Variants in ARHGEF12 observed in about 807,000 individuals in gnomAD.
The protein encoded by ARHGEF12 is KMT2A/ARHGEF12 fusion protein.
A neutral mutation model predicts 211.2 loss-of-function variants in ARHGEF12; 66 were observed. The ratio of observed to expected loss-of-function variants is 0.31; its 90% CI spans 0.26 to 0.38. The LOEUF (loss-of-function observed/expected upper bound fraction) is 0.38, where lower values mean the gene tolerates loss of function less well. Among genes scored for constraint, ARHGEF12 ranks in the 10% least tolerant of loss-of-function variants. The pLI is 1.00. For synonymous variants in ARHGEF12, 592 were observed against 638.4 expected (o/e 0.93, Z 1.09); for missense variants, 1,429 against 1,869.5 (o/e 0.76, Z 4.34).
intron 1 of ARHGEF12, among the ~76,000 whole-genome samples, chr11:120,374,300 A>T (rs1943667327): frequency 6.6e-6 from 1 of 152,194 alleles, no homozygotes; most frequent in Non-Finnish European, 1.5e-5. Context: ...AGAATTTTTT[A>T]AAGATATCTC....
intron 22 of ARHGEF12, among the ~76,000 whole-genome samples, chr11:120,454,911 C>T (rs1261584677): frequency 6.6e-6 from 1 of 152,160 alleles, no homozygotes; most frequent in East Asian, 1.9e-4. Flanking sequence ...AAGTTAGAAA[C>T]AAGTCACTAA....
rs1942359585 is a variant in ARHGEF12, at chr11:120,336,657, GTCCC to G, written c.-586_-583del. On this transcript the variant is annotated 5_prime_UTR_variant, in exon 1 of 41. Coordinates refer to ENST00000397843, the MANE Select transcript of ARHGEF12 (RefSeq NM_015313.3). ...ACCTCTCCGCCGGCGCCAGCGGCTC[GTCCC>G]AGCACCGGGAGCCTGGTGAGGGCGG... 6.6e-6 allele frequency among the ~76,000 whole-genome samples: 1 copy of G among 151,958 alleles called. No individual in the cohort carries two copies. The highest frequency in any genetic ancestry group is 2.1e-4 in the South Asian group (1 of 4,824).
chr11:120,346,900 T>C (rs1942744766), intron 1 of ARHGEF12, among the ~76,000 whole-genome samples: 1 of 152,220 alleles, frequency 6.6e-6, no homozygotes. Flanking sequence ...TCACTAAGTA[T>C]TTTTAAGAGA....
rs1946085271 is a variant in ARHGEF12 at position 120,447,776 on chromosome 11, A to C, written c.1590-98A>C. ...GGTTGCAGTGAGCCAGGATCATGCCATTGCACTCCAGCCTGGGTGGCAGAG... is the reference window on the plus strand; with the variant it reads ...GGTTGCAGTGAGCCAGGATCATGCCCTTGCACTCCAGCCTGGGTGGCAGAG... On this transcript the variant is annotated intron_variant, in intron 18 of 40. Transcript: ENST00000397843. 4.8e-5 allele frequency: 38 copies of C among 791,134 alleles called. No individual in the cohort carries two copies. In the South Asian group the frequency reaches 6.1e-4, roughly 13 times the overall value. The allele number at this position is 791,134 out of a possible 1,614,324, so 49.0% of individuals were successfully genotyped here. A position where few individuals can be genotyped will look rare whatever the true frequency, so the allele number is the denominator to read the frequency against.
At chr11:120,465,133 T>C in intron 27 of ARHGEF12, 104 bp from the exon 28 acceptor site, 1 of 1,446,978 alleles carries the variant, frequency 6.9e-7, no homozygotes. Flanking sequence ...CTGTGTATTT[T>C]GTCACTTGAA....
chr11:120,353,517 C>T (rs1270787692), intron 1 of ARHGEF12, among the ~76,000 whole-genome samples: 2 of 152,162 alleles, frequency 1.3e-5, no homozygotes, highest in Non-Finnish European at 2.9e-5. Flanking sequence ...TCCATCCAGT[C>T]CCTTCCTGGA....
chr11:120,364,264 T>C (rs140734011), intron 1 of ARHGEF12, among the ~76,000 whole-genome samples: 86 of 152,350 alleles, frequency 5.6e-4, no homozygotes, highest in African/African-American at 1.9e-3. Flanking sequence ...TCCCATGCTG[T>C]GCTGGGAGCT....
intron 34 of ARHGEF12, 160 bp from the exon 35 acceptor site, chr11:120,477,059 G>C (rs1268030169): frequency 1.5e-6 from 1 of 656,120 alleles, no homozygotes; most frequent in East Asian, 2.7e-5. Context: ...CCAAAATAAA[G>C]ATATTCTCTG....
At chr11:120,481,890 G>A (rs941687338) in intron 39 of ARHGEF12, among the ~76,000 whole-genome samples, 1 of 151,690 alleles carries the variant, frequency 6.6e-6, no homozygotes, top group African/African-American at 2.4e-5. Flanking sequence ...CTCCCAAGCA[G>A]CTGGGACTAC....
intron 11 of ARHGEF12, among the ~76,000 whole-genome samples, chr11:120,436,313 G>A (rs1945691422): frequency 6.6e-6 from 1 of 151,976 alleles, no homozygotes; most frequent in South Asian, 2.1e-4. Flanking sequence ...CCAAGGTGGG[G>A]CATACATTTG....
At chr11:120,339,468 T>A (rs971702975) in intron 1 of ARHGEF12, among the ~76,000 whole-genome samples, 1 of 152,186 alleles carries the variant, frequency 6.6e-6, no homozygotes, top group African/African-American at 2.4e-5. Flanking sequence ...GTCTAACTCT[T>A]ACTGTAGGTA....
At chr11:120,474,087 A>G (rs1276960791) in intron 31 of ARHGEF12, among the ~76,000 whole-genome samples, 1 of 152,236 alleles carries the variant, frequency 6.6e-6, no homozygotes, top group African/African-American at 2.4e-5. Flanking sequence ...TAAGTTGTTA[A>G]TATTTAGACC....
At chr11:120,437,516 A>C (rs1945731072) in intron 12 of ARHGEF12, 134 bp downstream of exon 12, 1 of 533,764 alleles carries the variant, frequency 1.9e-6, no homozygotes, top group Admixed American at 4.0e-5. Context: ...TATTAAAGAA[A>C]CTTAATAAAG....
At chr11:120,462,867 A>C (rs1054475575) in intron 27 of ARHGEF12, 1 of 152,242 alleles carries the variant, frequency 6.6e-6, no homozygotes, top group African/African-American at 2.4e-5. Flanking sequence ...GTGGGAAAGT[A>C]ATACACATTC....
At chr11:120,414,230 T>C (rs976329466) in intron 4 of ARHGEF12, among the ~76,000 whole-genome samples, 1 of 152,198 alleles carries the variant, frequency 6.6e-6, no homozygotes, top group Non-Finnish European at 1.5e-5. Flanking sequence ...CTAGGCAAAA[T>C]ATGATTTTTA....
rs1042646199 is a variant in ARHGEF12, at chr11:120,459,346, G to C, written c.2527+26G>C. 4.4e-6 allele frequency: 7 copies of C among 1,596,392 alleles called. No individual in the cohort carries two copies. The African/African-American group carries it at 8.1e-5, about 19-fold the overall frequency. On this transcript the variant is annotated intron_variant, in intron 26 of 40. Transcript: ENST00000397843. ...GTAAGAGAAATTAGCTCTGATCTTT[G>C]CCCCTAACATTTCCAATAGAGAAAA...
intron 1 of ARHGEF12, among the ~76,000 whole-genome samples, chr11:120,378,262 G>A (rs1943786760): frequency 6.6e-6 from 1 of 152,158 alleles, no homozygotes. Flanking sequence ...TTTCTCTAAT[G>A]ATGAATGATA....
In ARHGEF12 at chr11:120,409,467, A is replaced by G; in HGVS notation, c.199+17A>G. On this transcript the variant is annotated intron_variant, in intron 4 of 40. Transcript: ENST00000397843. The stretch of plus-strand genomic sequence containing the variant: ...AGATATATGGTAAGCTAATGTAGCT[A>G]ATTCAGCCTTGCCCTTTGGAGCTTG... 1 of 1,612,886 alleles carries G rather than the reference A, an allele frequency of 6.2e-7. No individual in the cohort carries two copies. Among genetic ancestry groups the G allele is most frequent in the Non-Finnish European group, 8.5e-7 (1 of 1,179,268 alleles).
rs1946068784 is a variant in ARHGEF12, at chr11:120,447,093, A to G, written c.1589+8A>G. The G allele has an allele frequency of 1.9e-6, 3 of 1,613,460 alleles. No homozygotes were observed. The highest frequency in any genetic ancestry group is 2.7e-5 in the African/African-American group (2 of 74,924). ...CAAAATTGAAGAAGTATTGTAAGTA[A>G]TAGAAGTATATGTGGAAATGCCCTC... On this transcript the variant is annotated splice_region_variant and intron_variant, in intron 18 of 40. Transcript: ENST00000397843.
Sources: gnomAD v4.1 joint callset for allele counts (sites outside exome capture counted in the v4.1 genomes callset) on GRCh38, gnomAD v4.1.1 for gene constraint, MANE v1.5 for transcripts, NCBI Gene and HGNC (gene_info 2026-07-23, HGNC 2026-07-21) for gene names.